CTIF: variants seen among roughly 807,000 people sequenced by gnomAD.
The protein encoded by CTIF is CBP80/20-dependent translation initiation factor.
A neutral mutation model predicts 66.0 loss-of-function variants in CTIF; 21 were observed. The ratio of observed to expected loss-of-function variants is 0.32; its 90% confidence interval spans 0.23 to 0.46. CTIF has a LOEUF of 0.46. CTIF is among the 20% of genes least tolerant of loss of function. The pLI, the probability that CTIF is intolerant of heterozygous loss-of-function variation, is 1.00. For missense variants in CTIF, 739 were observed against 812.7 expected (o/e 0.91, Z 1.10); for synonymous variants, 345 against 326.4 (o/e 1.06, Z -0.62).
intron 6 of CTIF, 103 bp from the exon 7 acceptor site, chr18:48,711,516 T>A: frequency 1.2e-6 from 1 of 860,144 alleles, no homozygotes; most frequent in Non-Finnish European, 1.9e-6. Context: ...AAACTCTTGA[T>A]GTCTTTCTGT....
Position 48,861,782 on chromosome 18 carries a change from G to A in CTIF, c.*2223G>A, listed in dbSNP as rs1368864199. ...GGGCCTGATTCTCCTTCCTCCGAACGGGCTCCTTGATGGCCTGGCCACAGG... is the reference window on the plus strand; with the variant it reads ...GGGCCTGATTCTCCTTCCTCCGAACAGGCTCCTTGATGGCCTGGCCACAGG... On this transcript the variant is annotated 3_prime_UTR_variant, in exon 12 of 12. Coordinates refer to ENST00000256413, the MANE Select transcript of CTIF (RefSeq NM_014772.3). 5.3e-5 allele frequency: 8 copies of A among 152,346 alleles called. No individual in the cohort carries two copies. Among genetic ancestry groups the A allele is most frequent in the Non-Finnish European group, 7.3e-5 (5 of 68,156 alleles). 9.4% of individuals were successfully genotyped at this position (152,346 alleles called of 1,614,324 possible).
Position 48,545,110 on chromosome 18 carries a change from C to T in CTIF, c.-29+5798C>T, listed in dbSNP as rs184910599. The stretch of plus-strand genomic sequence containing the variant: ...ACTGGCCAGGAAAGGAGATGGGAGA[C>T]GGGCATTCAGGGAGAAGGCATGGCG... On this transcript the variant is annotated intron_variant, in intron 1 of 11. Coordinates refer to ENST00000256413, the MANE Select transcript of CTIF (RefSeq NM_014772.3). Among the ~76,000 whole-genome samples, 369 of 152,188 alleles carry T rather than the reference C, an allele frequency of 2.4e-3. 3 individuals are homozygous for T. Among genetic ancestry groups the T allele is most frequent in the African/African-American group, 8.4e-3 (350 of 41,524 alleles).
At chr18:48,562,691 C>G (rs1197451814) in intron 1 of CTIF, among the ~76,000 whole-genome samples, 1 of 152,214 alleles carries the variant, frequency 6.6e-6, no homozygotes, top group African/African-American at 2.4e-5. Flanking sequence ...GTAGAAAGCA[C>G]TGTTCTCTGG....
intron 7 of CTIF, among the ~76,000 whole-genome samples, chr18:48,718,209 G>A (rs1330187342): frequency 2.0e-5 from 3 of 152,116 alleles, no homozygotes; most frequent in African/African-American, 7.2e-5. Flanking sequence ...AATCTCTTTT[G>A]GAGAAATGAT....
intron 3 of CTIF, among the ~76,000 whole-genome samples, chr18:48,645,924 A>C (rs947196833): frequency 1.2e-4 from 19 of 152,336 alleles, no homozygotes; most frequent in South Asian, 8.3e-4. Flanking sequence ...GAGTGGTACC[A>C]TGAAACACGA....
intron 6 of CTIF, among the ~76,000 whole-genome samples, chr18:48,680,515 G>A (rs1407453197): frequency 1.3e-5 from 2 of 152,248 alleles, no homozygotes; most frequent in Non-Finnish European, 2.9e-5. Context: ...CAGTGAGCAG[G>A]CCCCAGGCTG....
chr18:48,685,030 A>AT (rs35327726), intron 6 of CTIF, among the ~76,000 whole-genome samples: 2,795 of 133,610 alleles, frequency 0.021, 39 homozygotes, highest in South Asian at 0.044. Flanking sequence ...GTTTGTTTGT[A>AT]TTTTTTTTTT....
At chr18:48,547,303 C>T (rs2088775070) in intron 1 of CTIF, among the ~76,000 whole-genome samples, 1 of 152,200 alleles carries the variant, frequency 6.6e-6, no homozygotes, top group South Asian at 2.1e-4. Context: ...ATACTCAGGT[C>T]AGGTTCTTAC....
At chr18:48,749,135 G>T (rs887117427) in intron 7 of CTIF, among the ~76,000 whole-genome samples, 2 of 152,232 alleles carry the variant, frequency 1.3e-5, no homozygotes, top group African/African-American at 4.8e-5. Flanking sequence ...CCACACCAAG[G>T]TGGTAAGATT....
intron 1 of CTIF, among the ~76,000 whole-genome samples, chr18:48,618,881 A>G (rs2090443839): frequency 6.6e-6 from 1 of 152,220 alleles, no homozygotes; most frequent in African/African-American, 2.4e-5. Context: ...AGCATAGACA[A>G]TGCAGCAAGC....
chr18:48,542,142 A>G (rs753069339), intron 1 of CTIF, among the ~76,000 whole-genome samples: 4 of 152,260 alleles, frequency 2.6e-5, no homozygotes, highest in Non-Finnish European at 5.9e-5. Flanking sequence ...ATTCCTAATG[A>G]GAGCAGCCAC....
chr18:48,829,454 C>T (rs1394521479), intron 10 of CTIF, among the ~76,000 whole-genome samples: 2 of 152,228 alleles, frequency 1.3e-5, no homozygotes, highest in Non-Finnish European at 2.9e-5. Context: ...CCATCAGTTA[C>T]TCCAGGTAAC....
chr18:48,669,640 A>G (rs2091489679), intron 5 of CTIF, among the ~76,000 whole-genome samples: 1 of 151,518 alleles, frequency 6.6e-6, no homozygotes, highest in South Asian at 2.1e-4. Flanking sequence ...CAATATATTT[A>G]CTTCATTATT....
chr18:48,730,499 G>A (rs76048652), intron 7 of CTIF, among the ~76,000 whole-genome samples: 1 of 40,694 alleles, frequency 2.5e-5, no homozygotes, highest in Non-Finnish European at 5.2e-5. Flanking sequence ...GGGCTTCTGC[G>A]GTGTGAGGGG....
chr18:48,735,100 T>C (rs72911666), intron 7 of CTIF, among the ~76,000 whole-genome samples: 290 of 151,450 alleles, frequency 1.9e-3, no homozygotes, highest in Non-Finnish European at 3.2e-3. Context: ...TGTGTGCGTG[T>C]GTGTGTGTGT....
chr18:48,823,314 C>A (rs548732572), intron 10 of CTIF, among the ~76,000 whole-genome samples: 63 of 151,074 alleles, frequency 4.2e-4, no homozygotes, highest in African/African-American at 1.5e-3. Flanking sequence ...ATATTTAAGT[C>A]TTCAATCCAT....
chr18:48,596,459 C>G (rs1301167871), intron 1 of CTIF, among the ~76,000 whole-genome samples: 3 of 151,050 alleles, frequency 2.0e-5, no homozygotes, highest in Admixed American at 1.3e-4. Flanking sequence ...GTCCCTTTTC[C>G]TTTTCTTTTC....
intron 3 of CTIF, among the ~76,000 whole-genome samples, chr18:48,659,321 C>T (rs1034524727): frequency 1.3e-5 from 2 of 152,198 alleles, no homozygotes; most frequent in East Asian, 3.8e-4. Context: ...GATCTCCTTC[C>T]TGATATTCAG....
At chr18:48,610,374 AGCCCACCTGGAT>A (rs370162038) in intron 1 of CTIF, among the ~76,000 whole-genome samples, 3,685 of 141,318 alleles carry the variant, frequency 0.026, 89 homozygotes, top group African/African-American at 0.063. Flanking sequence ...CACGTCACAG[AGCCCACCTGGAT>A]GCCCACCTGG....
Sources: allele counts gnomAD v4.1 joint callset (sites outside exome capture counted in the v4.1 genomes callset), GRCh38; gene constraint gnomAD v4.1.1; transcripts MANE v1.5; gene names NCBI Gene and HGNC (gene_info 2026-07-23, HGNC 2026-07-21).